The following CTIF variants were observed in gnomAD, a reference collection of about 807,000 sequenced individuals.
CTIF encodes the protein CBP80/20-dependent translation initiation factor.
A neutral mutation model predicts 66.0 loss-of-function variants in CTIF; 21 were observed. The observed-to-expected ratio is 0.32, with a 90% CI of 0.23 to 0.46. The LOEUF (loss-of-function observed/expected upper bound fraction) is 0.46. CTIF is among the 20% of genes least tolerant of loss of function. The pLI, the probability that CTIF is intolerant of heterozygous loss-of-function variation, is 1.00. For synonymous variants in CTIF, 345 were observed against 326.4 expected, an observed-to-expected ratio of 1.06 and a Z score of -0.62; for missense variants, 739 against 812.7, an observed-to-expected ratio of 0.91 and a Z score of 1.10.
In CTIF at chr18:48,782,873, C is replaced by T. The variant is rs559384417; in HGVS notation, c.1371+21184C>T. ...CACGCCTGTGGCCCGGGGCAGCTGC[C>T]ACCACCCACCCCCACTCCACTGGCT... is the stretch of plus-strand genomic sequence containing the variant. On this transcript the variant is annotated intron_variant, in intron 9 of 11. Coordinates refer to ENST00000256413, the MANE Select transcript of CTIF (RefSeq NM_014772.3). Among the ~76,000 whole-genome samples the T allele has an allele frequency of 2.0e-5, 3 of 152,252 alleles. No individual in the cohort carries two copies. The East Asian group carries it at 5.8e-4, about 29-fold the overall frequency.
chr18:48,678,502 T>C (rs2091679194), intron 6 of CTIF, among the ~76,000 whole-genome samples: 1 of 152,008 alleles, frequency 6.6e-6, no homozygotes. Context: ...CGTGGTTTCC[T>C]GTCTGAGACC....
At chr18:48,610,313 C>G (rs998509781) in intron 1 of CTIF, among the ~76,000 whole-genome samples, 1 of 152,120 alleles carries the variant, frequency 6.6e-6, no homozygotes, top group Non-Finnish European at 1.5e-5. Context: ...CTTCTATGGG[C>G]TTTGGGGGCA....
intron 1 of CTIF, among the ~76,000 whole-genome samples, chr18:48,615,406 T>TC (rs375767167): frequency 1.6e-4 from 25 of 152,280 alleles, no homozygotes; most frequent in African/African-American, 6.0e-4. Flanking sequence ...AGCTGGGGCC[T>TC]CCCCACTCCC....
At chr18:48,726,001 G>C (rs186782729) in intron 7 of CTIF, among the ~76,000 whole-genome samples, 38 of 152,226 alleles carry the variant, frequency 2.5e-4, no homozygotes, top group African/African-American at 8.4e-4. Context: ...TAGATATGTA[G>C]CCTCAAGACA....
chr18:48,784,723 A>G (rs1031207236), intron 9 of CTIF, among the ~76,000 whole-genome samples: 1 of 151,946 alleles, frequency 6.6e-6, no homozygotes, highest in African/African-American at 2.4e-5. Flanking sequence ...GGGTCAGGGG[A>G]TGATCCATGA....
chr18:48,662,032 G>A (rs551760092), intron 3 of CTIF: 14 of 152,392 alleles, frequency 9.2e-5, no homozygotes, highest in Admixed American at 2.6e-4. Context: ...GGAAATAGAA[G>A]TGAGAACTGC....
At chr18:48,730,331 CCCT>C (rs2092431828) in intron 7 of CTIF, among the ~76,000 whole-genome samples, 1 of 72,110 alleles carries the variant, frequency 1.4e-5, no homozygotes, top group Non-Finnish European at 3.0e-5. Flanking sequence ...TGTGAGGGGC[CCCT>C]GCGGTGTGAG....
chr18:48,603,455 G>T, intron 1 of CTIF, among the ~76,000 whole-genome samples: 1 of 128,866 alleles, frequency 7.8e-6, no homozygotes, highest in Non-Finnish European at 1.6e-5. Flanking sequence ...GGATGGATAG[G>T]TGAGTGAATG....
intron 9 of CTIF, among the ~76,000 whole-genome samples, chr18:48,801,126 G>T (rs965111612): frequency 2.6e-5 from 4 of 152,172 alleles, no homozygotes; most frequent in African/African-American, 9.7e-5. Context: ...GCACTGCTCA[G>T]AACAGACCTC....
At chr18:48,659,914 T>C (rs1310368721) in intron 3 of CTIF, among the ~76,000 whole-genome samples, 1 of 152,042 alleles carries the variant, frequency 6.6e-6, no homozygotes, top group Admixed American at 6.6e-5. Flanking sequence ...GGATGTAGGC[T>C]CTTGATGTCG....
chr18:48,819,998 G>C (rs144748285), intron 10 of CTIF, among the ~76,000 whole-genome samples: 5 of 152,220 alleles, frequency 3.3e-5, no homozygotes, highest in Non-Finnish European at 5.9e-5. Context: ...CCCGGGGCAC[G>C]GCGTCTGGCA....
chr18:48,566,223 GGTGT>G (rs1423050132), intron 1 of CTIF: 1 of 152,222 alleles, frequency 6.6e-6, no homozygotes, highest in Non-Finnish European at 1.5e-5. Flanking sequence ...GAGAAAGTGT[GGTGT>G]GTAAGGGAAA....
chr18:48,854,080 C>A (rs1233131394), intron 10 of CTIF, among the ~76,000 whole-genome samples: 1 of 152,178 alleles, frequency 6.6e-6, no homozygotes, highest in East Asian at 1.9e-4. Context: ...TCATGAATCC[C>A]CACTGTTGCC....
intron 6 of CTIF, among the ~76,000 whole-genome samples, chr18:48,698,422 C>T (rs967781946): frequency 6.6e-6 from 1 of 152,100 alleles, no homozygotes; most frequent in Admixed American, 6.5e-5. Flanking sequence ...TGTGTTGCCC[C>T]GGCTGGTCTC....
intron 6 of CTIF, among the ~76,000 whole-genome samples, chr18:48,684,946 C>T (rs2145192603): frequency 6.6e-6 from 1 of 152,144 alleles, no homozygotes; most frequent in African/African-American, 2.4e-5. Context: ...TGTTACATAA[C>T]CTGTAGACAT....
intron 10 of CTIF, among the ~76,000 whole-genome samples, chr18:48,856,809 A>G (rs575063761): frequency 6.6e-6 from 1 of 152,320 alleles, no homozygotes; most frequent in African/African-American, 2.4e-5. Context: ...AGTGATGAAA[A>G]TGTTCAGAAC....
intron 1 of CTIF, among the ~76,000 whole-genome samples, chr18:48,568,859 AC>A (rs1468634650): frequency 6.6e-6 from 1 of 151,790 alleles, no homozygotes; most frequent in African/African-American, 2.4e-5. Context: ...GGAAAAACCC[AC>A]CCCCACGATT....
rs752206086 is a variant in CTIF, at chr18:48,664,469, C to T, written c.349C>T (p.Pro117Ser). ...TAGTGGTGCCACCTGGGACCTGCAGCCGGAAAAGCTGGACTTCACCCAGTT... is the reference window on the plus strand; with the variant it reads ...TAGTGGTGCCACCTGGGACCTGCAGTCGGAAAAGCTGGACTTCACCCAGTT... ...SFSGATWDLQPEKLDFTQFHR... is the reference protein window; with the variant it reads ...SFSGATWDLQSEKLDFTQFHR... The change falls in exon 5 of 12, where the codon CCG (proline) becomes TCG (serine). Residue 117 changes from proline to serine, a missense_variant. This residue lies in a region of CTIF where 529 missense variants were observed against 520.3 expected (regional missense o/e 1.02). Coordinates refer to ENST00000256413, the MANE Select transcript of CTIF (RefSeq NM_014772.3). 3.7e-6 allele frequency: 6 copies of T among 1,613,728 alleles called. No individual in the cohort carries two copies. Among genetic ancestry groups the T allele is most frequent in the Non-Finnish European group, 5.1e-6 (6 of 1,179,954 alleles).
chr18:48,859,653 G>T lies in CTIF; in HGVS notation c.*94G>T. ...CGGGAGGACAGGGGTGGCCCTGGCG[G>T]GAGAAAGAAATGGGGAGGAGGGCAG... On this transcript the variant is annotated 3_prime_UTR_variant, in exon 12 of 12. Coordinates refer to ENST00000256413, the MANE Select transcript of CTIF (RefSeq NM_014772.3). 1 of 1,230,614 alleles carries T rather than the reference G, an allele frequency of 8.1e-7. No homozygotes were observed. 76.2% of individuals were successfully genotyped at this position (1,230,614 alleles called of 1,614,324 possible).
Sources: allele counts gnomAD v4.1 joint callset (sites outside exome capture counted in the v4.1 genomes callset), GRCh38; gene constraint gnomAD v4.1.1; regional missense constraint gnomAD v4.1.1; transcripts MANE v1.5; gene names NCBI Gene and HGNC (gene_info 2026-07-23, HGNC 2026-07-21).